The following MYH11 variants were observed in gnomAD, a reference collection of about 807,000 sequenced individuals.
MYH11 encodes the protein myosin heavy chain 11, also known as myosin-11.
A neutral mutation model predicts 246.6 loss-of-function variants in MYH11; 80 were observed. The ratio of observed to expected loss-of-function variants is 0.32; its 90% CI spans 0.27 to 0.39. The LOEUF is 0.39. Among genes scored for constraint, MYH11 ranks in the 10% least tolerant of loss-of-function variants. The pLI, the probability that MYH11 is intolerant of heterozygous loss-of-function variation, is 1.00. For synonymous variants in MYH11, 1,071 were observed against 1,015.5 expected, an observed-to-expected ratio of 1.05 and a Z score of -1.04; for missense variants, 2,158 against 2,546.8, an observed-to-expected ratio of 0.85 and a Z score of 3.29.
intron 1 of MYH11, among the ~76,000 whole-genome samples, chr16:15,843,276 CAGG>C (rs2044102480): frequency 2.0e-5 from 3 of 151,984 alleles, no homozygotes; most frequent in Non-Finnish European, 1.5e-5. Flanking sequence ...GAGGCTGAGG[CAGG>C]AGAATTACTT....
rs550329402 is a variant in MYH11, at chr16:15,786,529, G to T, written c.633+101C>A. ...TTCAGGGGAGGGGTAGTCAGATGGG[G>T]CCTGAGTTCTTGCAATGATGTTCTG... On this transcript the variant is annotated intron_variant, in intron 5 of 40. Coordinates refer to ENST00000300036, the MANE Select transcript of MYH11 (RefSeq NM_002474.3). 69 of 1,137,952 alleles carry T rather than the reference G, an allele frequency of 6.1e-5. No individual in the cohort carries two copies. In the East Asian group the frequency reaches 1.5e-3, roughly 25 times the overall value. The allele number at this position is 1,137,952 out of a possible 1,614,324, so 70.5% of individuals were successfully genotyped here. A position where few individuals can be genotyped will look rare whatever the true frequency, so the allele number is the denominator to read the frequency against.
At chr16:15,809,797 C>G (rs1329866521) in intron 3 of MYH11, among the ~76,000 whole-genome samples, 1 of 151,392 alleles carries the variant, frequency 6.6e-6, no homozygotes, top group Non-Finnish European at 1.5e-5. Flanking sequence ...CTGGTGCATG[C>G]CTGTATGCAG....
intron 40 of MYH11, among the ~76,000 whole-genome samples, chr16:15,708,525 G>A (rs1201482698): frequency 3.9e-5 from 6 of 152,200 alleles, no homozygotes; most frequent in African/African-American, 7.2e-5. Flanking sequence ...CTGCCATCTC[G>A]TCAAGATGCA....
chr16:15,826,982 G>C (rs954118824), intron 2 of MYH11, among the ~76,000 whole-genome samples: 3 of 139,510 alleles, frequency 2.2e-5, no homozygotes, highest in African/African-American at 8.4e-5. Context: ...GGGTGACAGA[G>C]GGAGAACCCA....
In MYH11 at chr16:15,720,979, G is replaced by A. The variant is rs2040440699; in HGVS notation, c.4651C>T (p.Leu1551=). Residue 1551 remains leucine, a synonymous_variant, in exon 33 of 41, where the codon CTG becomes TTG. Coordinates refer to ENST00000300036, the MANE Select transcript of MYH11 (RefSeq NM_002474.3). ...MEEMKTQLEE[L]EDELQATEDA... ...TCCGTGGCTTGCAGCTCGTCCTCCA[G>A]CTCTTCCAGCTGCGTCTTCATCTCC... 2 of 1,614,078 alleles carry A rather than the reference G, an allele frequency of 1.2e-6. No homozygotes were observed. Among genetic ancestry groups the A allele is most frequent in the Non-Finnish European group, 1.7e-6 (2 of 1,180,034 alleles).
chr16:15,831,464 G>GGTGTGTGTGTGTGTGTGT (rs59352444), intron 2 of MYH11, among the ~76,000 whole-genome samples: 164 of 145,688 alleles, frequency 1.1e-3, no homozygotes, highest in East Asian at 1.8e-3. Flanking sequence ...TTATGTTTGG[G>GGTGTGTGTGTGTGTGTGT]GTGTGTGTGT....
intron 5 of MYH11, chr16:15,782,849 A>T (rs1005881551): frequency 4.4e-6 from 1 of 226,034 alleles, no homozygotes; most frequent in Admixed American, 5.1e-5. Flanking sequence ...CCCACTGTAC[A>T]TGGCAGTCGT....
chr16:15,778,937 T>C lies in MYH11; in HGVS notation c.727-94A>G, dbSNP rs2042286143. 7 of 1,190,588 alleles carry C rather than the reference T, an allele frequency of 5.9e-6. No homozygotes were observed. In the South Asian group the frequency reaches 8.5e-5, roughly 14 times the overall value. 73.8% of individuals were successfully genotyped at this position (1,190,588 alleles called of 1,614,324 possible). The stretch of plus-strand genomic sequence containing the variant: ...AGCAGGAGGCAGATGGTACAGAGGA[T>C]GGGAGGTGGGGCGGGGAGATTCTTG... On this transcript the variant is annotated intron_variant, in intron 6 of 40. Transcript: ENST00000300036.
chr16:15,745,171 G>A lies in MYH11; in HGVS notation c.2478C>T (p.Tyr826=). Residue 826 remains tyrosine (Y), a synonymous_variant, in exon 20 of 41, where the codon TAC becomes TAT. Transcript: ENST00000300036. ...MKVIQRNCAA[Y]LKLRNWQWWR... ...ACCACTGCCAGTTCCGCAGCTTGAG[G>A]TAGGCGGCGCAGTTCCTCTGAATCA... The A allele has an allele frequency of 6.2e-7, 1 of 1,614,188 alleles. No individual in the cohort carries two copies. The highest frequency in any genetic ancestry group is 1.1e-5 in the South Asian group (1 of 91,084).
intron 31 of MYH11, among the ~76,000 whole-genome samples, chr16:15,722,602 G>A (rs1374881557): frequency 6.6e-6 from 1 of 152,200 alleles, no homozygotes; most frequent in Non-Finnish European, 1.5e-5. Context: ...CATTGAAGAT[G>A]AGCTGACAGC....
intron 13 of MYH11, 77 bp downstream of exon 13, chr16:15,757,750 G>C (rs1309431405): frequency 6.4e-6 from 10 of 1,573,734 alleles, no homozygotes. Context: ...GGAGAGTGTG[G>C]GGTCCACGTC....
chr16:15,812,298 C>T (rs1211779462), intron 3 of MYH11, among the ~76,000 whole-genome samples: 1 of 152,202 alleles, frequency 6.6e-6, no homozygotes, highest in Non-Finnish European at 1.5e-5. Flanking sequence ...TTGCGGCTAG[C>T]GTTGGATCAC....
At position 15,750,014 on chromosome 16, in the gene MYH11, C is replaced by A. The variant is rs775873413; in HGVS notation, c.2058+124G>T. 2.5e-6 allele frequency: 3 copies of A among 1,189,116 alleles called. No homozygotes were observed. The highest frequency in any genetic ancestry group is 2.4e-6 in the Non-Finnish European group (2 of 825,150). The allele number at this position is 1,189,116 out of a possible 1,614,324, so 73.7% of individuals were successfully genotyped here. ...GGGAATGGGTCTGAGATTCAGATAGCCTTCCCCACATGGAAAATGGGGTCC... is the reference window on the plus strand; with the variant it reads ...GGGAATGGGTCTGAGATTCAGATAGACTTCCCCACATGGAAAATGGGGTCC... On this transcript the variant is annotated intron_variant, in intron 16 of 40. Coordinates refer to ENST00000300036, the MANE Select transcript of MYH11 (RefSeq NM_002474.3). This position sits in a 1 kb window ranked among gnomAD's most constrained non-coding sequence, Gnocchi z 4.3.
At chr16:15,730,587 A>C (rs1008873346) in intron 27 of MYH11, among the ~76,000 whole-genome samples, 24 of 152,124 alleles carry the variant, frequency 1.6e-4, no homozygotes, top group African/African-American at 5.8e-4. Context: ...TCTGTAGAGC[A>C]GTGCAACAAC....
At chr16:15,828,898 A>G (rs1363367915) in intron 2 of MYH11, among the ~76,000 whole-genome samples, 1 of 151,464 alleles carries the variant, frequency 6.6e-6, no homozygotes, top group African/African-American at 2.4e-5. Context: ...AAAAAGAAGG[A>G]AGAGGCCGGG....
At chr16:15,712,918 C>G (rs1204881062) in intron 40 of MYH11, 1 of 96,364 alleles carries the variant, frequency 1.0e-5, no homozygotes, top group African/African-American at 4.3e-5. Flanking sequence ...CACTCTGTCA[C>G]CCAGGCTGGA....
At chr16:15,797,975 T>G (rs1343431352) in intron 4 of MYH11, among the ~76,000 whole-genome samples, 1 of 152,182 alleles carries the variant, frequency 6.6e-6, no homozygotes, top group Non-Finnish European at 1.5e-5. Flanking sequence ...GCTCAAGTGT[T>G]GGCTCATGTT....
chr16:15,721,807 A>G (rs2040500753), intron 31 of MYH11, 173 bp from the exon 32 acceptor site: 1 of 675,390 alleles, frequency 1.5e-6, no homozygotes, highest in East Asian at 2.7e-5. Context: ...TGACTTCTAC[A>G]TCAACCTTAT....
At chr16:15,776,993 C>G (rs754756425) in intron 7 of MYH11, among the ~76,000 whole-genome samples, 1 of 152,086 alleles carries the variant, frequency 6.6e-6, no homozygotes, top group Non-Finnish European at 1.5e-5. Context: ...TTGTCTTCTT[C>G]AAGTCCTAAA....
Sources: gnomAD v4.1 joint callset for allele counts (sites outside exome capture counted in the v4.1 genomes callset) on GRCh38, gnomAD v4.1.1 for gene constraint, Gnocchi (gnomAD v3.1) non-coding constraint, MANE v1.5 for transcripts, NCBI Gene and HGNC (gene_info 2026-07-23, HGNC 2026-07-21) for gene names.